SRSF4: variants seen among roughly 807,000 people sequenced by gnomAD.
The protein encoded by SRSF4 is serine/arginine-rich splicing factor 4.
In SRSF4, 12 loss-of-function variants were observed where a neutral mutation model predicts 48.8. That is an observed-to-expected ratio of 0.25 (90% CI 0.16 to 0.40). The LOEUF (loss-of-function observed/expected upper bound fraction) is 0.40, where lower values mean the gene tolerates loss of function less well. Ranked by LOEUF, SRSF4 falls within the 10% of genes least tolerant of loss-of-function variation. SRSF4 has a pLI of 1.00. For missense variants in SRSF4, 466 were observed against 667.1 expected (o/e 0.70, Z 3.32); for synonymous variants, 248 against 232.5 (o/e 1.07, Z -0.61).
At chr1:29,181,557 G>T in intron 1 of SRSF4, 89 bp downstream of exon 1, 1 of 1,185,650 alleles carries the variant, frequency 8.4e-7, no homozygotes, top group Non-Finnish European at 1.2e-6. Flanking sequence ...GCTCCGCGCG[G>T]ACCAGGCGTC....
At chr1:29,156,088 C>T (rs754020982) in intron 3 of SRSF4, among the ~76,000 whole-genome samples, 1 of 152,170 alleles carries the variant, frequency 6.6e-6, no homozygotes, top group African/African-American at 2.4e-5. Context: ...GGTGCAGTGG[C>T]TCACACCTGT....
At chr1:29,180,056 T>G (rs1403524344) in intron 1 of SRSF4, among the ~76,000 whole-genome samples, 2 of 152,274 alleles carry the variant, frequency 1.3e-5, no homozygotes, top group East Asian at 1.9e-4. Context: ...TGCCACTTAC[T>G]GCCTAAGCCA....
chr1:29,164,961 CA>C (rs1376211850), intron 1 of SRSF4, among the ~76,000 whole-genome samples: 1 of 152,158 alleles, frequency 6.6e-6, no homozygotes, highest in East Asian at 1.9e-4. Flanking sequence ...ACAAGATGCT[CA>C]AATTTGCTCA....
intron 1 of SRSF4, among the ~76,000 whole-genome samples, chr1:29,181,412 C>A (rs1397306672): frequency 6.6e-6 from 1 of 152,160 alleles, no homozygotes; most frequent in Non-Finnish European, 1.5e-5. Flanking sequence ...TCCTTCTCCC[C>A]GTCCCACTCA....
chr1:29,181,705 G>C lies in SRSF4; in HGVS notation c.48C>G (p.Arg16=), dbSNP rs751498335. 1 of 1,596,116 alleles carries C rather than the reference G, an allele frequency of 6.3e-7. No individual in the cohort carries two copies. The highest frequency in any genetic ancestry group is 8.5e-7 in the Non-Finnish European group (1 of 1,173,290). ...AGCCCTTAAAGAAGCGCTCCACATC[G>C]CGCTCCCGGGCCTGGTAGCTCAGGC... ...IGRLSYQARE[R]DVERFFKGYG... Residue 16 remains arginine, a synonymous_variant, in exon 1 of 6, where the codon CGC becomes CGG. Coordinates refer to ENST00000373795, the MANE Select transcript of SRSF4 (RefSeq NM_005626.5).
chr1:29,160,524 G>A lies in SRSF4; in HGVS notation c.108-7C>T, dbSNP rs373951333. 1.3e-6 allele frequency: 2 copies of A among 1,596,368 alleles called. No homozygotes were observed. The highest frequency in any genetic ancestry group is 1.7e-6 in the Non-Finnish European group (2 of 1,173,414). ...AAACTCCACAAAACCATATCTAGAA[G>A]AGAGCAAAGAAAATACTGGTTGGTA... On this transcript the variant is annotated splice_region_variant and splice_polypyrimidine_tract_variant and intron_variant, in intron 1 of 5. Transcript: ENST00000373795.
rs772387596 is a variant in SRSF4, at chr1:29,148,756, C to T, written c.1139G>A (p.Arg380Gln). The stretch of plus-strand genomic sequence containing the variant: ...CGCCTTGCTGTCTCGCTTGCTGCCT[C>T]GCTTTCTGCTCCTCTCACTCTTGCT... ...SRSKSERSRK[R>Q]GSKRDSKAGS... Residue 380 changes from arginine (R) to glutamine (Q), a missense_variant, in exon 6 of 6, where the codon CGA becomes CAA. Physicochemically the swap from Arg to Gln is conservative, Grantham distance 43 (BLOSUM62 1). Around this residue, in one of 2 missense-constraint regions of SRSF4, gnomAD observed 402 missense variants for 437.0 expected, o/e 0.92. Transcript: ENST00000373795. 3.1e-6 allele frequency: 5 copies of T among 1,613,630 alleles called. No homozygotes were observed. The highest frequency in any genetic ancestry group is 1.1e-5 in the South Asian group (1 of 91,074).
chr1:29,171,425 A>T (rs936749832), intron 1 of SRSF4: 2 of 148,296 alleles, frequency 1.3e-5, no homozygotes, highest in African/African-American at 5.0e-5. Context: ...ATGGGAATTT[A>T]AAAAATCTTC....
rs1310622678 is a variant in SRSF4, at chr1:29,149,267, C to G, written c.669-41G>C. 5.7e-6 allele frequency: 9 copies of G among 1,589,826 alleles called. No homozygotes were observed. In the African/African-American group the frequency reaches 1.2e-4, roughly 21 times the overall value. On this transcript the variant is annotated intron_variant, in intron 5 of 5. Coordinates refer to ENST00000373795, the MANE Select transcript of SRSF4 (RefSeq NM_005626.5). Reference sequence around the variant, plus strand: ...ATACTGTTTGTGTCACATGTGACTTCATGCTAATCAGGAGATAAAAAGACC... The same window carrying G: ...ATACTGTTTGTGTCACATGTGACTTGATGCTAATCAGGAGATAAAAAGACC...
chr1:29,150,266 TTATA>T, intron 4 of SRSF4, 74 bp from the exon 5 acceptor site: 1 of 771,168 alleles, frequency 1.3e-6, no homozygotes, highest in Non-Finnish European at 1.9e-6. Context: ...ACTATATATA[TTATA>T]TATATATATT....
chr1:29,156,041 A>G (rs549402776), intron 3 of SRSF4, among the ~76,000 whole-genome samples: 1 of 152,322 alleles, frequency 6.6e-6, no homozygotes, highest in East Asian at 1.9e-4. Flanking sequence ...TCAAAAAACA[A>G]AACAAAACAG....
intron 1 of SRSF4, among the ~76,000 whole-genome samples, chr1:29,177,677 G>T (rs1164413195): frequency 6.6e-6 from 1 of 152,076 alleles, no homozygotes; most frequent in South Asian, 2.1e-4. Flanking sequence ...GATCTTCGTT[G>T]TATTTGTGGT....
chr1:29,176,441 T>C (rs548467910), intron 1 of SRSF4, among the ~76,000 whole-genome samples: 2 of 149,230 alleles, frequency 1.3e-5, no homozygotes, highest in South Asian at 4.2e-4. Context: ...TAACGATGAA[T>C]GACAGAGCCT....
intron 1 of SRSF4, among the ~76,000 whole-genome samples, chr1:29,177,283 G>GTT (rs397934546): frequency 0.098 from 13,551 of 137,734 alleles, 846 homozygotes; most frequent in African/African-American, 0.18. Context: ...AACTCTTTTT[G>GTT]TTTTTTTTTT....
At chr1:29,161,049 G>A (rs1672587584) in intron 1 of SRSF4, among the ~76,000 whole-genome samples, 2 of 152,062 alleles carry the variant, frequency 1.3e-5, no homozygotes, top group Admixed American at 1.3e-4. Flanking sequence ...AAAAAAGACT[G>A]GAGCTGTTTA....
Position 29,148,909 on chromosome 1 carries a change from T to A in SRSF4, c.986A>T (p.Gln329Leu), listed in dbSNP as rs967651046. The A allele has an allele frequency of 6.2e-7, 1 of 1,611,038 alleles. No individual in the cohort carries two copies. The highest frequency in any genetic ancestry group is 8.5e-7 in the Non-Finnish European group (1 of 1,178,102). Residue 329 changes from glutamine (Q) to leucine (L), a missense_variant, in exon 6 of 6, where the codon CAG becomes CTG. Coordinates refer to ENST00000373795, the MANE Select transcript of SRSF4 (RefSeq NM_005626.5). ...RGRSQEKSLR[Q>L]SRSRSRSKGG... ...TTTGCTCCTGCTCCGGCTCCGACTC[T>A]GGCGGAGGCTCTTCTCCTGGCTCCT...
rs1672969641 is a variant in SRSF4, at chr1:29,181,883, C to T, written c.-131G>A. ...CGGGACGGACGCAGCCGAACCCCGG[C>T]GACGTACGCGAGCACGCAGCTCGCG... On this transcript the variant is annotated 5_prime_UTR_variant, in exon 1 of 6. Transcript: ENST00000373795. The T allele has an allele frequency of 9.6e-6, 6 of 622,324 alleles. No homozygotes were observed. The highest frequency in any genetic ancestry group is 9.6e-6 in the Non-Finnish European group (4 of 417,032). 38.6% of individuals were successfully genotyped at this position (622,324 alleles called of 1,614,324 possible). A position where few individuals can be genotyped will look rare whatever the true frequency, so the allele number is the denominator to read the frequency against.
intron 1 of SRSF4, among the ~76,000 whole-genome samples, chr1:29,181,026 CTTTAA>C (rs1672946962): frequency 1.3e-5 from 2 of 152,306 alleles, no homozygotes; most frequent in Non-Finnish European, 2.9e-5. Context: ...GAAGTTAAGA[CTTTAA>C]TTTACTCTTG....
Position 29,159,422 on chromosome 1 carries a change from T to C in SRSF4, c.315A>G (p.Arg105=). Residue 105 remains arginine, a synonymous_variant, in exon 3 of 6, where the codon AGA becomes AGG. Transcript: ENST00000373795. The part of the protein sequence containing the change: ...KYGPPTRTEY[R]LIVENLSSRC... ...GACTTGACAAATTCTCCACAATAAGTCTGTACTCTGTGCGAGTAGGAGGGC... is the reference window on the plus strand; with the variant it reads ...GACTTGACAAATTCTCCACAATAAGCCTGTACTCTGTGCGAGTAGGAGGGC... The C allele has an allele frequency of 6.2e-7, 1 of 1,614,032 alleles. No homozygotes were observed. Among genetic ancestry groups the C allele is most frequent in the Non-Finnish European group, 8.5e-7 (1 of 1,180,010 alleles).
Sources: gnomAD v4.1 joint callset for allele counts (sites outside exome capture counted in the v4.1 genomes callset) on GRCh38, gnomAD v4.1.1 for gene constraint, gnomAD v4.1.1 regional missense constraint, MANE v1.5 for transcripts, NCBI Gene and HGNC (gene_info 2026-07-23, HGNC 2026-07-21) for gene names.